ACAD9: variants seen among roughly 807,000 people sequenced by gnomAD.
The protein encoded by ACAD9 is acyl-CoA dehydrogenase family member 9, also known as complex I assembly factor ACAD9, mitochondrial.
Under a neutral mutation model 70.2 loss-of-function variants are expected in ACAD9, and 53 were observed. The observed-to-expected ratio is 0.75, with a 90% confidence interval of 0.61 to 0.95. The LOEUF (loss-of-function observed/expected upper bound fraction) is 0.95. ACAD9 is among the 40% of genes least tolerant of loss of function. ACAD9 has a pLI of 0.00. For missense variants in ACAD9, 777 were observed against 802.8 expected (o/e 0.97, Z 0.39); for synonymous variants, 313 against 312.1 (o/e 1.00, Z -0.03).
intron 1 of ACAD9, among the ~76,000 whole-genome samples, chr3:128,883,358 TTTTTC>T (rs947538785): frequency 2.0e-5 from 3 of 152,028 alleles, no homozygotes; most frequent in South Asian, 2.1e-4. Flanking sequence ...TGTTTTTTTC[TTTTTC>T]TTTTCTTTTT....
chr3:128,901,035 C>T (rs757755526), intron 7 of ACAD9, among the ~76,000 whole-genome samples: 1 of 152,178 alleles, frequency 6.6e-6, no homozygotes, highest in East Asian at 1.9e-4. Flanking sequence ...TTCTCTTTAT[C>T]GTGATGCCCT....
At chr3:128,889,177 A>C (rs746716942) in intron 2 of ACAD9, among the ~76,000 whole-genome samples, 7 of 151,686 alleles carry the variant, frequency 4.6e-5, no homozygotes, top group Non-Finnish European at 8.8e-5. Context: ...AAAAAAAAAA[A>C]AACAAAAAAT....
Position 128,879,625 on chromosome 3 carries a change from ACG to A in ACAD9, c.-66_-65del, listed in dbSNP as rs1491382305. ...TGTCGCGGGCCAGTAACGTCATCAG[ACG>A]TGTGTGTGTCCCTGCGGCGCTAAGA... is the stretch of plus-strand genomic sequence containing the variant. On this transcript the variant is annotated 5_prime_UTR_variant, in exon 1 of 18. It adds an upstream start codon to the 5' untranslated region. Transcript: ENST00000308982. 20 of 1,557,048 alleles carry A rather than the reference ACG, an allele frequency of 1.3e-5. No individual in the cohort carries two copies. The highest frequency in any genetic ancestry group is 4.5e-5 in the South Asian group (4 of 89,872).
intron 1 of ACAD9, among the ~76,000 whole-genome samples, chr3:128,882,536 A>G (rs1935125057): frequency 6.6e-6 from 1 of 152,202 alleles, no homozygotes; most frequent in African/African-American, 2.4e-5. Context: ...AACATGGGAC[A>G]TGATGCTTAG....
At chr3:128,898,507 G>A in intron 6 of ACAD9, 1 of 405,650 alleles carries the variant, frequency 2.5e-6, no homozygotes, top group South Asian at 1.9e-5. Flanking sequence ...CTGGGCTCAG[G>A]TGATTCTCCT....
At chr3:128,910,521 G>C (rs1435910781) in intron 16 of ACAD9, among the ~76,000 whole-genome samples, 1 of 152,204 alleles carries the variant, frequency 6.6e-6, no homozygotes, top group Admixed American at 6.5e-5. Flanking sequence ...TGTGACATCT[G>C]CCTTTCAGAG....
intron 17 of ACAD9, among the ~76,000 whole-genome samples, chr3:128,912,149 A>G (rs1936395841): frequency 6.6e-6 from 1 of 152,326 alleles, no homozygotes; most frequent in South Asian, 2.1e-4. Context: ...CCCTGGGGGT[A>G]GCCCAGACAC....
At chr3:128,892,805 A>G (rs1414456112) in intron 2 of ACAD9, among the ~76,000 whole-genome samples, 1 of 152,222 alleles carries the variant, frequency 6.6e-6, no homozygotes, top group Non-Finnish European at 1.5e-5. Flanking sequence ...TGAGGTGGCT[A>G]TCTAGCTGAA....
chr3:128,897,809 G>A, intron 6 of ACAD9, 99 bp downstream of exon 6: 5 of 1,118,166 alleles, frequency 4.5e-6, no homozygotes, highest in South Asian at 3.9e-5. Context: ...ACCTGCTGCT[G>A]TAGCACCGAC....
At chr3:128,908,720 T>C in intron 13 of ACAD9, 1 of 587,380 alleles carries the variant, frequency 1.7e-6, no homozygotes, top group Non-Finnish European at 3.0e-6. Context: ...TTTTGTCTCC[T>C]TCACAGGAGA....
intron 1 of ACAD9, among the ~76,000 whole-genome samples, chr3:128,881,378 A>G (rs1016426197): frequency 4.6e-5 from 7 of 152,164 alleles, no homozygotes; most frequent in Admixed American, 4.6e-4. Flanking sequence ...GGGAAAATCC[A>G]TGCAGTCGGA....
rs760678257 is a variant in ACAD9 at position 128,912,615 on chromosome 3, G to A, written c.*8G>A. 18 of 1,612,418 alleles carry A rather than the reference G, an allele frequency of 1.1e-5. No individual in the cohort carries two copies. The Admixed American group carries it at 2.2e-4, about 19-fold the overall frequency. On this transcript the variant is annotated 3_prime_UTR_variant, in exon 18 of 18. Transcript: ENST00000308982. ...CTGGACAGGACATGCTGAGGCAGGG[G>A]ACAGTGTCCCCTGCTACCGCCCGCC...
Position 128,912,699 on chromosome 3 carries a change from A to C in ACAD9, c.*92A>C, listed in dbSNP as rs367762859. 1.3e-4 allele frequency: 148 copies of C among 1,182,672 alleles called. No homozygotes were observed. The highest frequency in any genetic ancestry group is 1.7e-4 in the Non-Finnish European group (133 of 791,618). The allele number at this position is 1,182,672 out of a possible 1,614,324, so 73.3% of individuals were successfully genotyped here. A position where few individuals can be genotyped will look rare whatever the true frequency, so the allele number is the denominator to read the frequency against. ...TCTTTTTTCAGAAGGTGTTGGGATT[A>C]TCACAGGTTAAGCCTTTTGTTCCCC... is the stretch of plus-strand genomic sequence containing the variant. On this transcript the variant is annotated 3_prime_UTR_variant, in exon 18 of 18. Transcript: ENST00000308982.
chr3:128,879,792 C>T lies in ACAD9; in HGVS notation c.101C>T (p.Pro34Leu), dbSNP rs11542652. 3.7e-6 allele frequency: 6 copies of T among 1,613,930 alleles called. No individual in the cohort carries two copies. The African/African-American group carries it at 6.7e-5, about 18-fold the overall frequency. The stretch of plus-strand genomic sequence containing the variant: ...AACCGGCGGCTACTGCGCACCAGCC[C>T]GCCTGTACGAGCTTTCGCCAAAGAG... ...TANRRLLRTS[P>L]PVRAFAKELF... Residue 34 changes from proline (P) to leucine (L), a missense_variant, in exon 1 of 18, where the codon CCG becomes CTG. By Grantham distance (98) the Pro-to-Leu change is moderately conservative. Transcript: ENST00000308982.
At chr3:128,887,994 A>C (rs1012901585) in intron 2 of ACAD9, among the ~76,000 whole-genome samples, 5 of 152,184 alleles carry the variant, frequency 3.3e-5, no homozygotes, top group African/African-American at 9.7e-5. Context: ...CCTCTATGAA[A>C]ACCAACCAGG....
At chr3:128,907,913 C>G (rs2107660972) in intron 12 of ACAD9, among the ~76,000 whole-genome samples, 1 of 152,356 alleles carries the variant, frequency 6.6e-6, no homozygotes, top group South Asian at 2.1e-4. Context: ...TACAGAGGAC[C>G]TGGAGACTTG....
chr3:128,904,185 T>G, intron 10 of ACAD9, 53 bp downstream of exon 10: 2 of 1,596,994 alleles, frequency 1.3e-6, no homozygotes, highest in Non-Finnish European at 1.7e-6. Flanking sequence ...ACATGAACGG[T>G]GTGTTCTTTT....
chr3:128,883,873 C>G (rs1218891713), intron 1 of ACAD9, among the ~76,000 whole-genome samples: 2 of 152,238 alleles, frequency 1.3e-5, no homozygotes, highest in East Asian at 3.9e-4. Context: ...TTGAGGTCTC[C>G]CCAAGACTTC....
At position 128,895,385 on chromosome 3, in the gene ACAD9, C is replaced by T. The variant is rs539622467; in HGVS notation, c.422C>T (p.Thr141Ile). The T allele has an allele frequency of 8.0e-5, 129 of 1,611,896 alleles. No homozygotes were observed. The highest frequency in any genetic ancestry group is 1.1e-4 in the Non-Finnish European group (124 of 1,179,104). The stretch of plus-strand genomic sequence containing the variant: ...AGCATGGATGGGTCCATCACTGTGA[C>T]CCTGGCAGCGCACCAGGCTATTGGC... ...IISMDGSITV[T>I]LAAHQAIGLK... Residue 141 changes from threonine (T) to isoleucine (I), a missense_variant, in exon 4 of 18, where the codon ACC becomes ATC. By Grantham distance (89) the Thr-to-Ile change is moderately conservative. Transcript: ENST00000308982.
Sources: gnomAD v4.1 joint callset for allele counts (sites outside exome capture counted in the v4.1 genomes callset) on GRCh38, gnomAD v4.1.1 for gene constraint, MANE v1.5 for transcripts, NCBI Gene and HGNC (gene_info 2026-07-23, HGNC 2026-07-21) for gene names.